Variants in ADAMTS5 observed in about 807,000 individuals in gnomAD.
ADAMTS5 encodes the protein A disintegrin and metalloproteinase with thrombospondin motifs 5.
A neutral mutation model predicts 81.4 loss-of-function variants in ADAMTS5; 54 were observed. The ratio of observed to expected loss-of-function variants is 0.66; its 90% CI spans 0.53 to 0.83. The LOEUF (loss-of-function observed/expected upper bound fraction) is 0.83, where lower values mean the gene tolerates loss of function less well. Among genes scored for constraint, ADAMTS5 ranks in the 40% least tolerant of loss-of-function variants. ADAMTS5 has a pLI of 0.00. For missense variants in ADAMTS5, 1,194 were observed against 1,229.9 expected, an observed-to-expected ratio of 0.97 and a Z score of 0.44; for synonymous variants, 532 against 508.8, an observed-to-expected ratio of 1.05 and a Z score of -0.61.
In ADAMTS5 at chr21:26,966,165, T is replaced by A. The variant is rs1987661965; in HGVS notation, c.227A>T (p.Asn76Ile). ...GCCGCCGGAGTAGAGTTGGTCGATG[T>A]TCTGCACCAGCCCCTTGCTCCTGCG... is the stretch of plus-strand genomic sequence containing the variant. ...QRRRSKGLVQ[N>I]IDQLYSGGGK... The change falls in exon 1 of 8, where the codon AAC becomes ATC. Residue 76 changes from asparagine to isoleucine, a missense_variant. Asn to Ile is a moderately radical substitution (Grantham distance 149). Coordinates refer to ENST00000284987, the MANE Select transcript of ADAMTS5 (RefSeq NM_007038.5). The A allele has an allele frequency of 1.2e-6, 2 of 1,609,288 alleles. No homozygotes were observed. The highest frequency in any genetic ancestry group is 1.7e-6 in the Non-Finnish European group (2 of 1,178,176).
intron 2 of ADAMTS5, among the ~76,000 whole-genome samples, chr21:26,951,694 A>C (rs1465247247): frequency 1.8e-5 from 2 of 111,370 alleles, no homozygotes; most frequent in Non-Finnish European, 3.9e-5. Flanking sequence ...AAAAAAAAAA[A>C]AAAAAAAAAA....
At chr21:26,960,828 A>G (rs1211004382) in intron 1 of ADAMTS5, among the ~76,000 whole-genome samples, 2 of 152,220 alleles carry the variant, frequency 1.3e-5, no homozygotes, top group Non-Finnish European at 2.9e-5. Context: ...CCCATTGAAC[A>G]TGATGGTTTG....
Position 26,965,420 on chromosome 21 carries a change from C to T in ADAMTS5, c.972G>A (p.Lys324=). 1 of 1,614,268 alleles carries T rather than the reference C, an allele frequency of 6.2e-7. No homozygotes were observed. Among genetic ancestry groups the T allele is most frequent in the Non-Finnish European group, 8.5e-7 (1 of 1,180,052 alleles). The change falls in exon 1 of 8, where the codon AAG becomes AAA. Residue 324 remains lysine, a synonymous_variant. Transcript: ENST00000284987. ...AVVKVVVLGD[K]DKSLEVSKNA... The stretch of plus-strand genomic sequence containing the variant: ...TCTTGCTCACTTCCAGGCTCTTGTC[C>T]TTGTCGCCTAGCACCACCACCTTCA...
At chr21:26,937,370 G>C (rs573023907) in intron 3 of ADAMTS5, among the ~76,000 whole-genome samples, 1 of 152,298 alleles carries the variant, frequency 6.6e-6, no homozygotes, top group African/African-American at 2.4e-5. Flanking sequence ...ATGTGGAGAT[G>C]ATCTTCTCTT....
At chr21:26,944,625 A>G (rs1310845769) in intron 2 of ADAMTS5, among the ~76,000 whole-genome samples, 1 of 152,188 alleles carries the variant, frequency 6.6e-6, no homozygotes, top group East Asian at 1.9e-4. Flanking sequence ...AAAGCTTTCT[A>G]GAATCATACA....
At chr21:26,929,556 A>G (rs1986867301) in intron 7 of ADAMTS5, among the ~76,000 whole-genome samples, 1 of 152,200 alleles carries the variant, frequency 6.6e-6, no homozygotes, top group Non-Finnish European at 1.5e-5. Context: ...TCCCTAAATT[A>G]TGTTTTAGGA....
chr21:26,933,535 C>T (rs1173821298), intron 4 of ADAMTS5, among the ~76,000 whole-genome samples: 1 of 152,226 alleles, frequency 6.6e-6, no homozygotes, highest in African/African-American at 2.4e-5. Flanking sequence ...CTGTCTGTGA[C>T]CGACTCCATG....
chr21:26,943,043 A>C (rs1987142990), intron 3 of ADAMTS5, among the ~76,000 whole-genome samples: 10 of 152,178 alleles, frequency 6.6e-5, no homozygotes, highest in Admixed American at 6.5e-4. Context: ...CAGGGAAACC[A>C]AGATGTCTGC....
chr21:26,938,485 T>C (rs981416175), intron 3 of ADAMTS5, among the ~76,000 whole-genome samples: 2 of 152,226 alleles, frequency 1.3e-5, no homozygotes, highest in African/African-American at 2.4e-5. Context: ...GTCTGACTTA[T>C]AGCACTATTT....
intron 3 of ADAMTS5, among the ~76,000 whole-genome samples, chr21:26,940,058 A>G (rs1327879280): frequency 6.6e-6 from 1 of 152,244 alleles, no homozygotes; most frequent in East Asian, 1.9e-4. Flanking sequence ...CTCAGTACTA[A>G]TGAATTTACA....
chr21:26,956,638 C>CT (rs1987432401), intron 1 of ADAMTS5, among the ~76,000 whole-genome samples: 1 of 152,104 alleles, frequency 6.6e-6, no homozygotes, highest in Admixed American at 6.6e-5. Context: ...CTGCTAGACA[C>CT]TCTAGGTTAT....
At chr21:26,950,120 A>G (rs1484114184) in intron 2 of ADAMTS5, among the ~76,000 whole-genome samples, 1 of 152,212 alleles carries the variant, frequency 6.6e-6, no homozygotes, top group Non-Finnish European at 1.5e-5. Flanking sequence ...TTAGCTTAGG[A>G]AGCACACTGG....
rs1987628455 is a variant in ADAMTS5 at position 26,965,581 on chromosome 21, G to A, written c.811C>T (p.Leu271=). ...ATGGACGCGTCAGCCACCAGAAGCA[G>A]CTCCACCTGGCGGGCCCGGGAGATG... ...RSISRARQVE[L]LLVADASMAR... is the part of the protein sequence containing the mutation. The change falls in exon 1 of 8, where the codon CTG becomes TTG. Residue 271 remains leucine (L), a synonymous_variant. Transcript: ENST00000284987. 1 of 1,607,264 alleles carries A rather than the reference G, an allele frequency of 6.2e-7. No homozygotes were observed. Among genetic ancestry groups the A allele is most frequent in the African/African-American group, 1.3e-5 (1 of 74,824 alleles).
chr21:26,965,219 C>A lies in ADAMTS5; in HGVS notation c.1104+69G>T, dbSNP rs1044452043. On this transcript the variant is annotated intron_variant, in intron 1 of 7. Coordinates refer to ENST00000284987, the MANE Select transcript of ADAMTS5 (RefSeq NM_007038.5). ...GAGGTTTGAGGGAGAAGCAAAGCCA[C>A]CAGCAAGATTCCCTTCTACCTACCT... 9.8e-6 allele frequency: 15 copies of A among 1,535,578 alleles called. No individual in the cohort carries two copies. In the Admixed American group the frequency reaches 1.8e-4, roughly 18 times the overall value.
Position 26,946,770 on chromosome 21 carries a change from A to T in ADAMTS5, c.1238-3223T>A, listed in dbSNP as rs188232492. Among the ~76,000 whole-genome samples, 404 of 152,344 alleles carry T rather than the reference A, an allele frequency of 2.7e-3. 1 individual carries two copies. Among genetic ancestry groups the T allele is most frequent in the African/African-American group, 8.0e-3 (334 of 41,588 alleles). ...AAATTGTATTACATGATGAGTTTTT[A>T]GAGCAATACAGAGCAACAGAGTTAG... is the stretch of plus-strand genomic sequence containing the variant. On this transcript the variant is annotated intron_variant, in intron 2 of 7. Transcript: ENST00000284987.
intron 2 of ADAMTS5, among the ~76,000 whole-genome samples, chr21:26,948,624 T>C (rs908908197): frequency 6.6e-6 from 1 of 152,330 alleles, no homozygotes; most frequent in Non-Finnish European, 1.5e-5. Context: ...CACGAATCTT[T>C]ACATAGATGT....
Position 26,966,344 on chromosome 21 carries a change from G to A in ADAMTS5, c.48C>T (p.Pro16=). Residue 16 remains proline, a synonymous_variant, in exon 1 of 8, where the codon CCC becomes CCT. Transcript: ENST00000284987. The stretch of plus-strand genomic sequence containing the variant: ...TCGCGGCGGGGCCGACCGCGGCCAG[G>A]GGCAGGCGGAACGCGCACAGCAGCA... The part of the protein sequence containing the change: ...ASLLLCAFRL[P]LAAVGPAATP... The A allele has an allele frequency of 2.7e-6, 4 of 1,503,946 alleles. No homozygotes were observed. Among genetic ancestry groups the A allele is most frequent in the Non-Finnish European group, 3.5e-6 (4 of 1,134,980 alleles). 93.2% of individuals were successfully genotyped at this position (1,503,946 alleles called of 1,614,324 possible). A position where few individuals can be genotyped will look rare whatever the true frequency, so the allele number is the denominator to read the frequency against.
rs538878361 is a variant in ADAMTS5 at position 26,919,392 on chromosome 21, A to G, written c.*4661T>C. The G allele has an allele frequency of 1.3e-5, 2 of 152,106 alleles. No homozygotes were observed. Among genetic ancestry groups the G allele is most frequent in the South Asian group, 2.1e-4 (1 of 4,822 alleles). 9.4% of individuals were successfully genotyped at this position (152,106 alleles called of 1,614,324 possible). ...TAGTTGAAGCCACAAAATAAAGACC[A>G]GAGACAGCAAAATTATTGCTAATGT... On this transcript the variant is annotated 3_prime_UTR_variant, in exon 8 of 8. Coordinates refer to ENST00000284987, the MANE Select transcript of ADAMTS5 (RefSeq NM_007038.5).
chr21:26,950,303 C>T (rs1279653430), intron 2 of ADAMTS5, among the ~76,000 whole-genome samples: 1 of 152,120 alleles, frequency 6.6e-6, no homozygotes, highest in Non-Finnish European at 1.5e-5. Context: ...TTTTAAGGAC[C>T]ATATGTGCAG....
Sources: allele counts gnomAD v4.1 joint callset (sites outside exome capture counted in the v4.1 genomes callset), GRCh38; gene constraint gnomAD v4.1.1; transcripts MANE v1.5; gene names NCBI Gene and HGNC (gene_info 2026-07-23, HGNC 2026-07-21).